ITPKB: variants seen among roughly 807,000 people sequenced by gnomAD.
ITPKB encodes the protein inositol-trisphosphate 3-kinase B.
ITPKB carries 13 observed loss-of-function variants against 69.4 expected under a neutral mutation model. The ratio of observed to expected loss-of-function variants is 0.19; its 90% CI spans 0.12 to 0.30. The LOEUF (loss-of-function observed/expected upper bound fraction) is 0.30. Ranked by LOEUF, ITPKB falls within the 10% of genes least tolerant of loss-of-function variation. The pLI is 1.00. For synonymous variants in ITPKB, 584 were observed against 513.7 expected (o/e 1.14, Z -1.85); for missense variants, 1,240 against 1,250.5 (o/e 0.99, Z 0.13).
chr1:226,705,694 A>G (rs945055660), intron 2 of ITPKB, among the ~76,000 whole-genome samples: 1 of 152,040 alleles, frequency 6.6e-6, no homozygotes, highest in Non-Finnish European at 1.5e-5. Flanking sequence ...CCTCCACCCC[A>G]TTCCGGGAGG....
Position 226,647,287 on chromosome 1 carries a change from C to T in ITPKB, c.2126G>A (p.Arg709Lys), listed in dbSNP as rs779540406. 2.4e-5 allele frequency: 38 copies of T among 1,614,082 alleles called. No individual in the cohort carries two copies. The highest frequency in any genetic ancestry group is 1.6e-4 in the East Asian group (7 of 44,892). The change falls in exon 4 of 8, where the codon AGG becomes AAG. Residue 709 changes from arginine (R) to lysine (K), a missense_variant. Coordinates refer to ENST00000429204, the MANE Select transcript of ITPKB (RefSeq NM_002221.4). ...CCCATGGTAGGCAGGTACGAAGGGC[C>T]TCAGCACATCCACCATCAGCCGGTC... is the stretch of plus-strand genomic sequence containing the variant. ...CLDRLMVDVL[R>K]PFVPAYHGDV...
chr1:226,735,435 T>G, intron 2 of ITPKB, 92 bp downstream of exon 2: 2 of 1,350,260 alleles, frequency 1.5e-6, no homozygotes, highest in Non-Finnish European at 1.9e-6. Context: ...TTTTCATGAC[T>G]GTGTAGAAAG....
intron 2 of ITPKB, among the ~76,000 whole-genome samples, chr1:226,727,834 G>A (rs913003755): frequency 1.8e-4 from 28 of 152,086 alleles, no homozygotes; most frequent in African/African-American, 6.3e-4. Flanking sequence ...TCATTAATAC[G>A]TATTATCATC....
At position 226,642,007 on chromosome 1, in the gene ITPKB, G is replaced by A. The variant is rs1442556939; in HGVS notation, c.2365C>T (p.Arg789Trp). The A allele has an allele frequency of 3.1e-6, 5 of 1,614,202 alleles. No homozygotes were observed. Among genetic ancestry groups the A allele is most frequent in the Non-Finnish European group, 4.2e-6 (5 of 1,180,040 alleles). Residue 789 changes from arginine to tryptophan, a missense_variant, in exon 5 of 8, where the codon CGG becomes TGG. Arg to Trp is a moderately radical substitution (Grantham distance 101). Coordinates refer to ENST00000429204, the MANE Select transcript of ITPKB (RefSeq NM_002221.4). The surrounding 1 kb of genome is among the most constrained non-coding windows in gnomAD (Gnocchi z 6.4). ...ATGTACCGTGGCTTGGTCACAGCCC[G>A]CTGTGCTTTTTCCTCCTCGGTGGGG... is the stretch of plus-strand genomic sequence containing the variant. ...EAPTEEEKAQ[R>W]AVTKPRYMQW...
At position 226,641,882 on chromosome 1, in the gene ITPKB, C is replaced by T. The variant is rs771027647; in HGVS notation, c.2451+39G>A. The T allele has an allele frequency of 1.5e-5, 23 of 1,577,916 alleles. No homozygotes were observed. Among genetic ancestry groups the T allele is most frequent in the Non-Finnish European group, 1.8e-5 (21 of 1,153,968 alleles). On this transcript the variant is annotated intron_variant, in intron 5 of 7. Transcript: ENST00000429204. The surrounding 1 kb of genome is among the most constrained non-coding windows in gnomAD (Gnocchi z 4.6). The stretch of plus-strand genomic sequence containing the variant: ...GAAGCCAAGCCCCCTGAGGTGGGCA[C>T]GGGTGGGGCCCGAGGCTGCCCTCAC...
chr1:226,727,487 C>A (rs1175692507), intron 2 of ITPKB, among the ~76,000 whole-genome samples: 1 of 152,188 alleles, frequency 6.6e-6, no homozygotes, highest in Non-Finnish European at 1.5e-5. Flanking sequence ...ACCAGGGAAC[C>A]AAATCCTTCT....
chr1:226,695,995 T>A lies in ITPKB; in HGVS notation c.1932+39532A>T, dbSNP rs76438132. Reference sequence around the variant, plus strand: ...GGAAAAGACTAATTACTCCCAGCCCTCCAATATTCACTTACATGCTATGCT... The same window carrying A: ...GGAAAAGACTAATTACTCCCAGCCCACCAATATTCACTTACATGCTATGCT... On this transcript the variant is annotated intron_variant, in intron 2 of 7. Coordinates refer to ENST00000429204, the MANE Select transcript of ITPKB (RefSeq NM_002221.4). 7.5e-3 allele frequency among the ~76,000 whole-genome samples: 1,146 copies of A among 152,256 alleles called. 49 individuals carry two copies. The highest frequency in any genetic ancestry group is 0.064 in the Admixed American group (977 of 15,270).
intron 2 of ITPKB, among the ~76,000 whole-genome samples, chr1:226,684,861 C>G (rs1656170264): frequency 6.6e-6 from 1 of 152,204 alleles, no homozygotes; most frequent in Non-Finnish European, 1.5e-5. Flanking sequence ...GCCAAGGCCA[C>G]TGAGCTGCTC....
chr1:226,703,413 G>T (rs998216940), intron 2 of ITPKB, among the ~76,000 whole-genome samples: 1 of 152,250 alleles, frequency 6.6e-6, no homozygotes, highest in African/African-American at 2.4e-5. Context: ...CAGGGGCGCG[G>T]CGGGGGATTT....
At chr1:226,661,735 T>C (rs1373149899) in intron 2 of ITPKB, among the ~76,000 whole-genome samples, 4 of 152,206 alleles carry the variant, frequency 2.6e-5, no homozygotes, top group African/African-American at 7.2e-5. Context: ...CAGAGGCAGA[T>C]ACATTTTGCA....
At chr1:226,653,229 A>G (rs1334023016) in intron 2 of ITPKB, among the ~76,000 whole-genome samples, 3 of 152,210 alleles carry the variant, frequency 2.0e-5, no homozygotes, top group Admixed American at 2.0e-4. Context: ...CCCTGCCAGT[A>G]GGTACCATGC....
intron 2 of ITPKB, among the ~76,000 whole-genome samples, chr1:226,662,570 A>T (rs1447650238): frequency 1.3e-5 from 2 of 152,210 alleles, no homozygotes; most frequent in Non-Finnish European, 2.9e-5. Context: ...TGGACAAAAC[A>T]CTGCCTTTTA....
In ITPKB at chr1:226,738,527, G is replaced by A. The variant is rs1657888484; in HGVS notation, c.-206+514C>T. Among the ~76,000 whole-genome samples, 1 of 152,220 alleles carries A rather than the reference G, an allele frequency of 6.6e-6. No individual in the cohort carries two copies. The highest frequency in any genetic ancestry group is 1.5e-5 in the Non-Finnish European group (1 of 68,028). On this transcript the variant is annotated intron_variant, in intron 1 of 7. Transcript: ENST00000429204. The surrounding 1 kb of genome is among the most constrained non-coding windows in gnomAD (Gnocchi z 4.2). Reference sequence around the variant, plus strand: ...CGCGCGCGGAGCGAGTCCGCTCTCAGCGCGCCCTGTTGCCGAGGACGCGAC... The same window carrying A: ...CGCGCGCGGAGCGAGTCCGCTCTCAACGCGCCCTGTTGCCGAGGACGCGAC...
chr1:226,693,842 A>G (rs1005625101), intron 2 of ITPKB, among the ~76,000 whole-genome samples: 2 of 152,182 alleles, frequency 1.3e-5, no homozygotes, highest in East Asian at 3.8e-4. Flanking sequence ...GCTCCACATC[A>G]ACACTTTTAA....
At chr1:226,713,020 C>T (rs1014709350) in intron 2 of ITPKB, among the ~76,000 whole-genome samples, 9 of 152,128 alleles carry the variant, frequency 5.9e-5, no homozygotes, top group Non-Finnish European at 1.2e-4. Context: ...CATGCATGCA[C>T]GTAAACACAC....
Position 226,647,357 on chromosome 1 carries a change from C to T in ITPKB, c.2056G>A (p.Gly686Ser). The T allele has an allele frequency of 6.2e-7, 1 of 1,614,014 alleles. No homozygotes were observed. Among genetic ancestry groups the T allele is most frequent in the Non-Finnish European group, 8.5e-7 (1 of 1,179,938 alleles). The change falls in exon 4 of 8, where the codon GGC becomes AGC. Residue 686 changes from glycine to serine, a missense_variant. Physicochemically the swap from Gly to Ser is moderately conservative, Grantham distance 56. Around this residue, in one of 2 missense-constraint regions of ITPKB, gnomAD observed 248 missense variants for 396.7 expected, o/e 0.63. Coordinates refer to ENST00000429204, the MANE Select transcript of ITPKB (RefSeq NM_002221.4). ...TCACAGTGCTTCTTCAGGATCCTGC[C>T]ATTGGCAGCTGCCTTGAAACTCCCT... Reference protein sequence around the residue: ...HAGSFKAAANGRILKKHCESE... With the variant: ...HAGSFKAAANSRILKKHCESE...
Position 226,736,113 on chromosome 1 carries a change from G to C in ITPKB, c.1346C>G (p.Thr449Arg). The C allele has an allele frequency of 1.0e-5, 16 of 1,599,950 alleles. No individual in the cohort carries two copies. The highest frequency in any genetic ancestry group is 1.4e-5 in the Non-Finnish European group (16 of 1,172,262). The change falls in exon 2 of 8, where the codon ACG becomes AGG. Residue 449 changes from threonine to arginine, a missense_variant. Around this residue, in one of 2 missense-constraint regions of ITPKB, gnomAD observed 992 missense variants for 853.8 expected, o/e 1.16. Transcript: ENST00000429204. ...LSDRVEGGSP[T>R]LGLLGGSPSA... Reference sequence around the variant, plus strand: ...GGGGCTGCCCCCAAGCAAGCCCAGCGTTGGGGACCCTCCCTCCACTCTGTC... The same window carrying C: ...GGGGCTGCCCCCAAGCAAGCCCAGCCTTGGGGACCCTCCCTCCACTCTGTC...
At chr1:226,710,663 C>T (rs1452929806) in intron 2 of ITPKB, among the ~76,000 whole-genome samples, 1 of 152,244 alleles carries the variant, frequency 6.6e-6, no homozygotes, top group Admixed American at 6.5e-5. Context: ...CATGCTGGGA[C>T]ACGCTTGGTA....
intron 2 of ITPKB, among the ~76,000 whole-genome samples, chr1:226,723,818 C>T (rs1300127762): frequency 6.6e-6 from 1 of 152,148 alleles, no homozygotes; most frequent in Non-Finnish European, 1.5e-5. Context: ...TTGCCGGCAG[C>T]TGAATACAGG....
Sources: allele counts gnomAD v4.1 joint callset (sites outside exome capture counted in the v4.1 genomes callset), GRCh38; gene constraint gnomAD v4.1.1; regional missense constraint gnomAD v4.1.1; non-coding constraint Gnocchi (gnomAD v3.1); transcripts MANE v1.5; gene names NCBI Gene and HGNC (gene_info 2026-07-23, HGNC 2026-07-21).